ANKS1A: variants seen among roughly 807,000 people sequenced by gnomAD.
ANKS1A encodes ankyrin repeat and SAM domain-containing protein 1A.
Under a neutral mutation model 120.3 loss-of-function variants are expected in ANKS1A, and 55 were observed. That is an observed-to-expected ratio of 0.46 (90% CI 0.37 to 0.57). ANKS1A has a LOEUF of 0.57. Among genes scored for constraint, ANKS1A ranks in the 20% least tolerant of loss-of-function variants. The pLI is 0.00. For missense variants in ANKS1A, 1,123 were observed against 1,480.3 expected, an observed-to-expected ratio of 0.76 and a Z score of 3.96; for synonymous variants, 590 against 604.7, an observed-to-expected ratio of 0.98 and a Z score of 0.36.
At chr6:35,038,023 C>T (rs1012751801) in intron 11 of ANKS1A, among the ~76,000 whole-genome samples, 2 of 152,070 alleles carry the variant, frequency 1.3e-5, no homozygotes, top group African/African-American at 4.8e-5. Flanking sequence ...TGGCTGGCGT[C>T]AGGTCTCTTT....
At chr6:35,015,451 AG>A (rs1773949314) in intron 10 of ANKS1A, among the ~76,000 whole-genome samples, 1 of 152,186 alleles carries the variant, frequency 6.6e-6, no homozygotes, top group Non-Finnish European at 1.5e-5. Context: ...GTGAGCCAAG[AG>A]TGTGCAACTG....
chr6:34,975,561 C>T (rs1771529233), intron 3 of ANKS1A, among the ~76,000 whole-genome samples: 1 of 151,712 alleles, frequency 6.6e-6, no homozygotes, highest in Non-Finnish European at 1.5e-5. Flanking sequence ...GAATTTGGGA[C>T]CAGCCTGGGC....
chr6:35,075,764 C>A (rs1777321850), intron 13 of ANKS1A, among the ~76,000 whole-genome samples: 2 of 152,084 alleles, frequency 1.3e-5, no homozygotes, highest in Non-Finnish European at 2.9e-5. Context: ...CATACACACA[C>A]ACTTGTGCAC....
chr6:34,927,812 G>A (rs1443921363), intron 1 of ANKS1A, among the ~76,000 whole-genome samples: 1 of 152,196 alleles, frequency 6.6e-6, no homozygotes, highest in Non-Finnish European at 1.5e-5. Context: ...TCAGAGGGAG[G>A]AGAGTGGGCA....
intron 11 of ANKS1A, among the ~76,000 whole-genome samples, chr6:35,022,205 A>G (rs555273492): frequency 1.3e-5 from 2 of 152,312 alleles, no homozygotes; most frequent in African/African-American, 4.8e-5. Context: ...CTTTCTGTTG[A>G]ACTCCCTGAG....
Position 35,083,580 on chromosome 6 carries a change from A to G in ANKS1A, c.2994+77A>G, listed in dbSNP as rs538914984. ...GACCCACAGGGCTCCAGGGCAAGCAACCCGGCTGCCCTGTCTCATCTCTTA... is the reference window on the plus strand; with the variant it reads ...GACCCACAGGGCTCCAGGGCAAGCAGCCCGGCTGCCCTGTCTCATCTCTTA... On this transcript the variant is annotated intron_variant, in intron 20 of 23. Transcript: ENST00000360359. 180 of 1,401,530 alleles carry G rather than the reference A, an allele frequency of 1.3e-4. 1 individual carries two copies. In the African/African-American group the frequency reaches 1.7e-3, roughly 13 times the overall value. 86.8% of individuals were successfully genotyped at this position (1,401,530 alleles called of 1,614,324 possible).
intron 10 of ANKS1A, among the ~76,000 whole-genome samples, chr6:34,999,023 C>T (rs1773007529): frequency 6.6e-6 from 1 of 152,234 alleles, no homozygotes; most frequent in African/African-American, 2.4e-5. Context: ...CAGTGTGTGG[C>T]AGGCCCCCGT....
chr6:34,962,863 C>CT (rs144621101), intron 1 of ANKS1A, among the ~76,000 whole-genome samples: 2,135 of 145,348 alleles, frequency 0.015, 18 homozygotes, highest in South Asian at 0.037. Flanking sequence ...TTCCTTCTTT[C>CT]TTTTTTTTTT....
intron 1 of ANKS1A, among the ~76,000 whole-genome samples, chr6:34,914,387 A>C (rs1768058471): frequency 6.6e-6 from 1 of 151,988 alleles, no homozygotes; most frequent in Non-Finnish European, 1.5e-5. Flanking sequence ...TTAAGGACTC[A>C]TTGTTTGCCC....
Position 34,984,446 on chromosome 6 carries a change from A to T in ANKS1A, c.1013-636A>T, listed in dbSNP as rs1355107235. Among the ~76,000 whole-genome samples, 5 of 152,308 alleles carry T rather than the reference A, an allele frequency of 3.3e-5. No homozygotes were observed. The South Asian group carries it at 6.2e-4, about 19-fold the overall frequency. Reference sequence around the variant, plus strand: ...ACTGTGGAGTCCTTGTCTTCCTCCCACATGCACTTTTTTTCTTGACCACAT... The same window carrying T: ...ACTGTGGAGTCCTTGTCTTCCTCCCTCATGCACTTTTTTTCTTGACCACAT... On this transcript the variant is annotated intron_variant, in intron 7 of 23. Transcript: ENST00000360359.
chr6:35,084,237 T>C lies in ANKS1A; in HGVS notation c.3111T>C (p.His1037=). The C allele has an allele frequency of 1.9e-6, 3 of 1,614,136 alleles. No individual in the cohort carries two copies. The highest frequency in any genetic ancestry group is 1.7e-6 in the Non-Finnish European group (2 of 1,180,006). ...TGCAGACCAGCCACCACTATTGCCA[T>C]GTGTTCAGCACCGTGGATGTGGTGG... ...KDLQTSHHYC[H]VFSTVDVNLT... The change falls in exon 21 of 24, where the codon CAT becomes CAC. Residue 1037 remains histidine (H), a synonymous_variant. Transcript: ENST00000360359. The surrounding 1 kb of genome is among the most constrained non-coding windows in gnomAD (Gnocchi z 4.8).
intron 1 of ANKS1A, among the ~76,000 whole-genome samples, chr6:34,947,938 G>T (rs924830438): frequency 6.6e-6 from 1 of 152,186 alleles, no homozygotes; most frequent in African/African-American, 2.4e-5. Flanking sequence ...CTCAGTAGAG[G>T]TCCTGAGACA....
chr6:35,053,362 G>C (rs998083816), intron 11 of ANKS1A, among the ~76,000 whole-genome samples: 2 of 152,228 alleles, frequency 1.3e-5, no homozygotes, highest in African/African-American at 4.8e-5. Flanking sequence ...GGGACAGGTG[G>C]TCCATACTGG....
chr6:34,964,735 T>C (rs1400971709), intron 1 of ANKS1A, among the ~76,000 whole-genome samples: 2 of 152,244 alleles, frequency 1.3e-5, no homozygotes, highest in East Asian at 3.8e-4. Flanking sequence ...AGTATTTCTG[T>C]TGGGTAATTG....
intron 11 of ANKS1A, among the ~76,000 whole-genome samples, chr6:35,021,616 G>T (rs1290001979): frequency 6.6e-6 from 1 of 152,220 alleles, no homozygotes; most frequent in African/African-American, 2.4e-5. Context: ...CTAAATGGTA[G>T]ATATTAATGT....
rs146443681 is a variant in ANKS1A, at chr6:35,089,906, G to A, written c.*1297G>A. 37 of 1,149,900 alleles carry A rather than the reference G, an allele frequency of 3.2e-5. No individual in the cohort carries two copies. In the African/African-American group the frequency reaches 5.5e-4, roughly 17 times the overall value. The allele number at this position is 1,149,900 out of a possible 1,614,324, so 71.2% of individuals were successfully genotyped here. On this transcript the variant is annotated 3_prime_UTR_variant, in exon 24 of 24. Coordinates refer to ENST00000360359, the MANE Select transcript of ANKS1A (RefSeq NM_015245.3). Reference sequence around the variant, plus strand: ...CCTGGCATAGGTCAATCAGGTCCCAGGATGAATAATCCAGGCTTCAGCAAC... The same window carrying A: ...CCTGGCATAGGTCAATCAGGTCCCAAGATGAATAATCCAGGCTTCAGCAAC...
intron 11 of ANKS1A, among the ~76,000 whole-genome samples, chr6:35,030,468 C>A (rs937798745): frequency 2.0e-5 from 3 of 152,174 alleles, no homozygotes; most frequent in Non-Finnish European, 4.4e-5. Context: ...ATCCTAGTTA[C>A]CATGTAGTCC....
At chr6:34,906,461 T>G (rs1767652341) in intron 1 of ANKS1A, among the ~76,000 whole-genome samples, 1 of 152,232 alleles carries the variant, frequency 6.6e-6, no homozygotes, top group African/African-American at 2.4e-5. Flanking sequence ...CATACCACTG[T>G]AGCAGATAAC....
At chr6:34,974,677 C>T (rs960876528) in intron 3 of ANKS1A, among the ~76,000 whole-genome samples, 2 of 152,090 alleles carry the variant, frequency 1.3e-5, no homozygotes, top group African/African-American at 4.8e-5. Flanking sequence ...AAGCAAGTTA[C>T]TTAATTTCTC....
Sources: allele counts gnomAD v4.1 joint callset (sites outside exome capture counted in the v4.1 genomes callset), GRCh38; gene constraint gnomAD v4.1.1; non-coding constraint Gnocchi (gnomAD v3.1); transcripts MANE v1.5; gene names NCBI Gene and HGNC (gene_info 2026-07-23, HGNC 2026-07-21).